BANK1: variants seen among roughly 807,000 people sequenced by gnomAD.
BANK1 encodes the protein B cell scaffold protein with ankyrin repeats 1.
Under a neutral mutation model 94.5 loss-of-function variants are expected in BANK1, and 95 were observed. The ratio of observed to expected loss-of-function variants is 1.00; its 90% CI spans 0.85 to 1.19. BANK1 has a LOEUF of 1.19. BANK1 is among the 50% of genes most tolerant of loss of function. The pLI is 0.00. For missense variants in BANK1, 987 were observed against 932.2 expected, an observed-to-expected ratio of 1.06 and a Z score of -0.77; for synonymous variants, 334 against 308.4, an observed-to-expected ratio of 1.08 and a Z score of -0.87.
At chr4:101,944,430 A>T (rs1488176316) in intron 7 of BANK1, among the ~76,000 whole-genome samples, 1 of 151,862 alleles carries the variant, frequency 6.6e-6, no homozygotes, top group East Asian at 1.9e-4. Flanking sequence ...AATTTTTGCT[A>T]ACCCTTTACA....
At chr4:101,892,943 A>G (rs1372987894) in intron 5 of BANK1, among the ~76,000 whole-genome samples, 1 of 152,024 alleles carries the variant, frequency 6.6e-6, no homozygotes, top group Non-Finnish European at 1.5e-5. Context: ...ATTATTTTTC[A>G]TAGCCATTTC....
At chr4:101,910,721 G>A (rs1234003582) in intron 6 of BANK1, among the ~76,000 whole-genome samples, 1 of 151,212 alleles carries the variant, frequency 6.6e-6, no homozygotes, top group Non-Finnish European at 1.5e-5. Flanking sequence ...AAAACCATGG[G>A]TGCAGAATGA....
intron 7 of BANK1, among the ~76,000 whole-genome samples, chr4:101,969,116 A>G (rs1342730313): frequency 6.6e-6 from 1 of 152,086 alleles, no homozygotes; most frequent in Non-Finnish European, 1.5e-5. Context: ...GTATTTGATA[A>G]AGATTGGATG....
At chr4:101,958,068 G>A (rs1015833480) in intron 7 of BANK1, among the ~76,000 whole-genome samples, 3 of 151,842 alleles carry the variant, frequency 2.0e-5, no homozygotes, top group Non-Finnish European at 4.4e-5. Context: ...GGATGGTCTC[G>A]CTCTCCTGAC....
intron 5 of BANK1, among the ~76,000 whole-genome samples, chr4:101,886,945 A>G (rs1158859494): frequency 1.3e-5 from 2 of 152,212 alleles, no homozygotes; most frequent in African/African-American, 4.8e-5. Context: ...GCATAATATA[A>G]CATTCATCTG....
At chr4:101,901,971 A>G (rs1238733149) in intron 6 of BANK1, among the ~76,000 whole-genome samples, 1 of 152,144 alleles carries the variant, frequency 6.6e-6, no homozygotes, top group Non-Finnish European at 1.5e-5. Flanking sequence ...CGTGTTAGCC[A>G]GGATGGTCTC....
chr4:102,006,552 A>T (rs1726266727), intron 7 of BANK1, among the ~76,000 whole-genome samples: 1 of 151,998 alleles, frequency 6.6e-6, no homozygotes, highest in Non-Finnish European at 1.5e-5. Flanking sequence ...GATGGTGTAA[A>T]GTATGAACAG....
intron 15 of BANK1, 98 bp from the exon 16 acceptor site, chr4:102,073,586 C>A: frequency 9.6e-7 from 1 of 1,038,392 alleles, no homozygotes; most frequent in Non-Finnish European, 1.4e-6. Flanking sequence ...TTTTCCATGG[C>A]TGTGAAAGGC....
At chr4:101,811,711 T>C (rs1725736398) in intron 1 of BANK1, among the ~76,000 whole-genome samples, 1 of 152,120 alleles carries the variant, frequency 6.6e-6, no homozygotes, top group African/African-American at 2.4e-5. Context: ...CTTTTTGATT[T>C]GTAAATTTTT....
chr4:101,910,917 A>G (rs1223117537), intron 6 of BANK1, among the ~76,000 whole-genome samples: 5 of 152,188 alleles, frequency 3.3e-5, no homozygotes. Flanking sequence ...AGGGCACAGA[A>G]GCCAAGGAAC....
In BANK1 at chr4:101,790,856, A is replaced by C. The variant is rs1724951742; in HGVS notation, c.-25A>C. 1 of 1,535,512 alleles carries C rather than the reference A, an allele frequency of 6.5e-7. No homozygotes were observed. Among genetic ancestry groups the C allele is most frequent in the Non-Finnish European group, 8.7e-7 (1 of 1,145,288 alleles). On this transcript the variant is annotated 5_prime_UTR_variant, in exon 1 of 17. Coordinates refer to ENST00000322953, the MANE Select transcript of BANK1 (RefSeq NM_017935.5). Reference sequence around the variant, plus strand: ...TAGCGCTCGGCGGGCAGCAGTGCGCAGGCCCCTCGGCTTCAACCGCCACAA... The same window carrying C: ...TAGCGCTCGGCGGGCAGCAGTGCGCCGGCCCCTCGGCTTCAACCGCCACAA...
At chr4:101,929,001 C>T (rs1161600478) in intron 7 of BANK1, among the ~76,000 whole-genome samples, 1 of 151,608 alleles carries the variant, frequency 6.6e-6, no homozygotes, top group Non-Finnish European at 1.5e-5. Flanking sequence ...AAATAGCCTC[C>T]AAAAGATGGC....
intron 9 of BANK1, among the ~76,000 whole-genome samples, chr4:102,026,822 CAAA>C (rs74429394): frequency 1.3e-4 from 8 of 59,760 alleles, no homozygotes; most frequent in Admixed American, 3.8e-4. Context: ...GACTCCATCT[CAAA>C]AAAAAAAAAA....
intron 1 of BANK1, among the ~76,000 whole-genome samples, chr4:101,814,312 T>C (rs1413652261): frequency 1.3e-5 from 2 of 152,196 alleles, no homozygotes; most frequent in East Asian, 3.8e-4. Context: ...TTTAGATCTT[T>C]TAAGTACTCT....
At chr4:102,032,156 A>G (rs1267535996) in intron 10 of BANK1, 1 of 152,216 alleles carries the variant, frequency 6.6e-6, no homozygotes, top group East Asian at 1.9e-4. Flanking sequence ...GAGAAAGTGG[A>G]TATAGCTTGA....
chr4:101,809,639 T>A (rs1725676771), intron 1 of BANK1, among the ~76,000 whole-genome samples: 1 of 152,302 alleles, frequency 6.6e-6, no homozygotes, highest in South Asian at 2.1e-4. Flanking sequence ...TCCCACTAAT[T>A]GACTCCTAGA....
chr4:102,063,784 A>G (rs1017837467), intron 13 of BANK1, among the ~76,000 whole-genome samples: 23 of 150,822 alleles, frequency 1.5e-4, no homozygotes, highest in African/African-American at 5.6e-4. Context: ...ACAGCATTAC[A>G]CGCCAGCCTG....
At chr4:102,039,908 G>A (rs1163325758) in intron 10 of BANK1, among the ~76,000 whole-genome samples, 1 of 152,090 alleles carries the variant, frequency 6.6e-6, no homozygotes, top group Non-Finnish European at 1.5e-5. Flanking sequence ...AATGATAGCT[G>A]TACAGCTCTA....
intron 13 of BANK1, among the ~76,000 whole-genome samples, chr4:102,066,001 T>G (rs958499398): frequency 7.9e-5 from 12 of 152,104 alleles, no homozygotes; most frequent in Non-Finnish European, 1.6e-4. Context: ...CAAAATATTT[T>G]TTAAAAAATG....
Sources: allele counts gnomAD v4.1 joint callset (sites outside exome capture counted in the v4.1 genomes callset), GRCh38; gene constraint gnomAD v4.1.1; transcripts MANE v1.5; gene names NCBI Gene and HGNC (gene_info 2026-07-23, HGNC 2026-07-21).